Variants in PRKAG2 observed in about 807,000 individuals in gnomAD.
PRKAG2 encodes the protein protein kinase AMP-activated non-catalytic subunit gamma 2.
A neutral mutation model predicts 69.6 loss-of-function variants in PRKAG2; 26 were observed. That is an observed-to-expected ratio of 0.37 (90% confidence interval 0.27 to 0.52). PRKAG2 has a LOEUF of 0.52. Ranked by LOEUF, PRKAG2 falls within the 20% of genes least tolerant of loss-of-function variation. The probability of loss-of-function intolerance (pLI) is 0.90; values close to 1 mark genes in which losing one functional copy is unlikely to be tolerated. For synonymous variants in PRKAG2, 293 were observed against 285.0 expected (o/e 1.03, Z -0.28); for missense variants, 557 against 740.0 (o/e 0.75, Z 2.87).
chr7:151,643,125 C>A (rs1009488367), intron 4 of PRKAG2, among the ~76,000 whole-genome samples: 1 of 152,096 alleles, frequency 6.6e-6, no homozygotes, highest in Non-Finnish European at 1.5e-5. Flanking sequence ...TTTTGCCAAT[C>A]AAAATATTTT....
intron 1 of PRKAG2, 38 bp downstream of exon 1, chr7:151,876,469 G>C: frequency 6.4e-7 from 1 of 1,570,872 alleles, no homozygotes; most frequent in Non-Finnish European, 8.7e-7. Context: ...GGAGCGACAG[G>C]AGGGCTGGGG....
intron 1 of PRKAG2, among the ~76,000 whole-genome samples, chr7:151,846,445 C>CGGT (rs1586712877): frequency 6.7e-6 from 1 of 148,172 alleles, no homozygotes; most frequent in East Asian, 2.2e-4. Context: ...TCCAGCCTGA[C>CGGT]GACAGAAACT....
chr7:151,718,482 G>T (rs955987434), intron 3 of PRKAG2, among the ~76,000 whole-genome samples: 2 of 152,012 alleles, frequency 1.3e-5, no homozygotes, highest in Non-Finnish European at 2.9e-5. Flanking sequence ...CTGCATGCAG[G>T]TCATGGTGGC....
intron 14 of PRKAG2, among the ~76,000 whole-genome samples, chr7:151,561,180 A>G (rs184638967): frequency 2.0e-4 from 31 of 152,216 alleles, no homozygotes; most frequent in Non-Finnish European, 3.8e-4. Flanking sequence ...TTGCTTGCTT[A>G]CTTTTAAGAA....
rs574342869 is a variant in PRKAG2, at chr7:151,771,834, C to T, written c.466+9318G>A. 9.2e-5 allele frequency among the ~76,000 whole-genome samples: 14 copies of T among 152,140 alleles called. No homozygotes were observed. Among genetic ancestry groups the T allele is most frequent in the Admixed American group, 2.0e-4 (3 of 15,282 alleles). ...TCTGTCCCTTCACAGTTTCTGGACC[C>T]GGTCGGGCTTACATATGACCCACTG... On this transcript the variant is annotated intron_variant, in intron 3 of 15. Coordinates refer to ENST00000287878, the MANE Select transcript of PRKAG2 (RefSeq NM_016203.4). This position sits in a 1 kb window ranked among gnomAD's most constrained non-coding sequence, Gnocchi z 4.0.
chr7:151,688,267 C>A lies in PRKAG2; in HGVS notation c.467-12630G>T, dbSNP rs1860746. On this transcript the variant is annotated intron_variant, in intron 3 of 15. Transcript: ENST00000287878. ...CCCCAGGTGGCCCATCCTGCCTGAG[C>A]ATGTCTGAACATGTTCTTAGGTCAG... Among the ~76,000 whole-genome samples the A allele has an allele frequency of 0.17, 25,651 of 152,148 alleles. 2,252 individuals carry two copies. Among genetic ancestry groups the A allele is most frequent in the Middle Eastern group, 0.26 (77 of 294 alleles).
intron 1 of PRKAG2, among the ~76,000 whole-genome samples, chr7:151,818,393 C>T (rs760187528): frequency 1.3e-5 from 2 of 152,036 alleles, no homozygotes; most frequent in Non-Finnish European, 2.9e-5. Flanking sequence ...CCATGCCGCC[C>T]TCAGCCCTTC....
intron 5 of PRKAG2, chr7:151,631,500 G>A (rs1270646532): frequency 7.4e-6 from 2 of 271,464 alleles, no homozygotes; most frequent in African/African-American, 2.2e-5. Flanking sequence ...GACAGGAGAG[G>A]GAAAAAAAAC....
At chr7:151,731,072 G>A (rs1487278586) in intron 3 of PRKAG2, among the ~76,000 whole-genome samples, 1 of 152,236 alleles carries the variant, frequency 6.6e-6, no homozygotes. Flanking sequence ...TTACTGCCCT[G>A]TAATTGCAGA....
intron 3 of PRKAG2, among the ~76,000 whole-genome samples, chr7:151,773,697 T>C (rs777150112): frequency 1.3e-5 from 2 of 152,186 alleles, no homozygotes; most frequent in Non-Finnish European, 2.9e-5. Context: ...TTAATCTTAT[T>C]ATTGGCAGTT....
intron 4 of PRKAG2, among the ~76,000 whole-genome samples, chr7:151,639,583 G>A (rs536060987): frequency 9.2e-5 from 14 of 152,292 alleles, no homozygotes; most frequent in African/African-American, 3.4e-4. Flanking sequence ...GGATTTCCTT[G>A]CTCTTTCTCC....
chr7:151,776,909 G>C (rs903808151), intron 3 of PRKAG2, among the ~76,000 whole-genome samples: 13 of 152,288 alleles, frequency 8.5e-5, no homozygotes, highest in African/African-American at 3.1e-4. Context: ...ATGATCAGGG[G>C]CCTCACAGTC....
At chr7:151,570,470 T>C (rs1444978421) in intron 9 of PRKAG2, among the ~76,000 whole-genome samples, 2 of 152,112 alleles carry the variant, frequency 1.3e-5, no homozygotes, top group Non-Finnish European at 2.9e-5. Flanking sequence ...AATGTGACAG[T>C]AAGTGTTTAT....
chr7:151,841,678 ATGGTAG>A (rs753247857), intron 1 of PRKAG2, among the ~76,000 whole-genome samples: 379 of 54,554 alleles, frequency 6.9e-3, no homozygotes, highest in Middle Eastern at 0.029. Context: ...GTAGGTAGGG[ATGGTAG>A]TGATGGTAGT....
At chr7:151,649,288 G>A (rs972678887) in intron 4 of PRKAG2, among the ~76,000 whole-genome samples, 1 of 152,096 alleles carries the variant, frequency 6.6e-6, no homozygotes, top group African/African-American at 2.4e-5. Context: ...ACCACACCTG[G>A]CTAAGTTGTG....
intron 6 of PRKAG2, among the ~76,000 whole-genome samples, chr7:151,591,877 G>A (rs771004027): frequency 5.9e-5 from 9 of 152,064 alleles, no homozygotes; most frequent in Non-Finnish European, 8.8e-5. Flanking sequence ...TGACTCTCCC[G>A]CTGGGAAACA....
intron 4 of PRKAG2, among the ~76,000 whole-genome samples, chr7:151,667,652 G>C (rs1220907161): frequency 6.6e-6 from 1 of 152,192 alleles, no homozygotes; most frequent in African/African-American, 2.4e-5. Context: ...TGCCTGTTCT[G>C]AGCCTAGGCC....
intron 1 of PRKAG2, among the ~76,000 whole-genome samples, chr7:151,864,103 C>T (rs2080001836): frequency 6.6e-6 from 1 of 152,140 alleles, no homozygotes; most frequent in African/African-American, 2.4e-5. Flanking sequence ...GCCCACAGCC[C>T]TTGTCTTGAA....
Position 151,807,808 on chromosome 7 carries a change from C to T in PRKAG2, c.115-21267G>A, listed in dbSNP as rs1469705624. Among the ~76,000 whole-genome samples the T allele has an allele frequency of 6.6e-6, 1 of 152,128 alleles. No homozygotes were observed. The highest frequency in any genetic ancestry group is 1.5e-5 in the Non-Finnish European group (1 of 68,026). Reference sequence around the variant, plus strand: ...TATTGGATTAGCTACTCTCAGAAGACCCAAAAGGCATAGGGGAGAGAAGAG... The same window carrying T: ...TATTGGATTAGCTACTCTCAGAAGATCCAAAAGGCATAGGGGAGAGAAGAG... On this transcript the variant is annotated intron_variant, in intron 1 of 15. Coordinates refer to ENST00000287878, the MANE Select transcript of PRKAG2 (RefSeq NM_016203.4). The surrounding 1 kb of genome is among the most constrained non-coding windows in gnomAD (Gnocchi z 4.4).
Sources: gnomAD v4.1 joint callset for allele counts (sites outside exome capture counted in the v4.1 genomes callset) on GRCh38, gnomAD v4.1.1 for gene constraint, Gnocchi (gnomAD v3.1) non-coding constraint, MANE v1.5 for transcripts, NCBI Gene and HGNC (gene_info 2026-07-23, HGNC 2026-07-21) for gene names.